The following SRGAP2C variants were observed in gnomAD, a reference collection of about 807,000 sequenced individuals.
SRGAP2C encodes SLIT-ROBO Rho GTPase activating protein 2C.
Under a neutral mutation model 25.1 loss-of-function variants are expected in SRGAP2C, and 15 were observed. The ratio of observed to expected loss-of-function variants is 0.60; its 90% CI spans 0.40 to 0.92. The LOEUF (loss-of-function observed/expected upper bound fraction) is 0.92. SRGAP2C is among the 40% of genes least tolerant of loss of function. The pLI is 0.00. For missense variants in SRGAP2C, 144 were observed against 264.4 expected, an observed-to-expected ratio of 0.54 and a Z score of 3.16; for synonymous variants, 44 against 96.6, an observed-to-expected ratio of 0.46 and a Z score of 3.19.
At chr1:121,234,967 CT>C (rs1655911287) in intron 2 of SRGAP2C, among the ~76,000 whole-genome samples, 1 of 151,566 alleles carries the variant, frequency 6.6e-6, no homozygotes, top group African/African-American at 2.4e-5. Flanking sequence ...TTCTTCTTTT[CT>C]TTCCTCCCTC....
intron 2 of SRGAP2C, among the ~76,000 whole-genome samples, chr1:121,275,113 A>G (rs1657072790): frequency 7.3e-6 from 1 of 137,038 alleles, no homozygotes; most frequent in African/African-American, 2.8e-5. Context: ...GTAGTCTGGG[A>G]CCATTATTTT....
chr1:121,239,210 ATATATATATATATATATAC>A (rs1656045842), intron 2 of SRGAP2C, among the ~76,000 whole-genome samples: 2 of 3,354 alleles, frequency 6.0e-4, no homozygotes, highest in Non-Finnish European at 8.7e-4. Context: ...ATATATATAT[ATATATATATATATATATAC>A]TATATATATA....
intron 3 of SRGAP2C, among the ~76,000 whole-genome samples, chr1:121,289,294 G>A (rs1191707053): frequency 2.1e-5 from 3 of 143,814 alleles, no homozygotes; most frequent in Non-Finnish European, 3.1e-5. Context: ...GCACAGCGCC[G>A]ATGGTCCGGC....
chr1:121,267,303 C>T (rs1553334488), intron 2 of SRGAP2C, among the ~76,000 whole-genome samples: 1 of 150,504 alleles, frequency 6.6e-6, no homozygotes. Flanking sequence ...AAGCGGTTCT[C>T]ATGGCTTGGC....
intron 2 of SRGAP2C, among the ~76,000 whole-genome samples, chr1:121,206,903 T>C (rs1456690044): frequency 2.0e-5 from 3 of 148,230 alleles, no homozygotes; most frequent in Non-Finnish European, 4.5e-5. Context: ...ATGCCTGAGG[T>C]TTTTAGTTTG....
At chr1:121,372,235 TG>T (rs1205685854) in intron 5 of SRGAP2C, among the ~76,000 whole-genome samples, 2 of 152,204 alleles carry the variant, frequency 1.3e-5, no homozygotes, top group African/African-American at 2.4e-5. Flanking sequence ...TGCCTCTAGC[TG>T]ATCGTAGGGC....
chr1:121,335,194 G>A (rs1232656482), intron 4 of SRGAP2C, among the ~76,000 whole-genome samples: 19 of 151,218 alleles, frequency 1.3e-4, no homozygotes, highest in African/African-American at 3.2e-4. Context: ...TCAGGAGGCC[G>A]AGGCAGGAGA....
intron 7 of SRGAP2C, among the ~76,000 whole-genome samples, chr1:121,378,316 A>G (rs587699425): frequency 2.3e-5 from 2 of 86,918 alleles, no homozygotes; most frequent in South Asian, 2.9e-4. Flanking sequence ...ATGTCAAGAT[A>G]TAGAAAAAAT....
chr1:121,320,777 G>A (rs1416997832), intron 3 of SRGAP2C, among the ~76,000 whole-genome samples: 1 of 152,106 alleles, frequency 6.6e-6, no homozygotes, highest in African/African-American at 2.4e-5. Context: ...TCATCACCTA[G>A]CAGCTATTCC....
At chr1:121,260,349 T>A (rs1231292467) in intron 2 of SRGAP2C, among the ~76,000 whole-genome samples, 1 of 151,766 alleles carries the variant, frequency 6.6e-6, no homozygotes, top group East Asian at 1.9e-4. Flanking sequence ...AAGGCTCAAG[T>A]GTGCTTGGTG....
intron 2 of SRGAP2C, among the ~76,000 whole-genome samples, chr1:121,208,481 G>A (rs1468045558): frequency 1.3e-5 from 2 of 152,208 alleles, no homozygotes; most frequent in Admixed American, 6.5e-5. Context: ...TTTGGCCTAA[G>A]CATGAGTGCG....
intron 4 of SRGAP2C, among the ~76,000 whole-genome samples, chr1:121,346,687 T>C (rs1446290228): frequency 5.3e-5 from 8 of 152,260 alleles, no homozygotes; most frequent in Non-Finnish European, 1.2e-4. Flanking sequence ...TCTTACTGGG[T>C]TTCTGAAAAT....
rs1303778117 is a variant in SRGAP2C, at chr1:121,306,940, C to G, written c.261-17538C>G. Among the ~76,000 whole-genome samples the G allele has an allele frequency of 5.5e-4, 83 of 151,912 alleles. 1 individual carries two copies. In the South Asian group the frequency reaches 0.016, roughly 29 times the overall value. On this transcript the variant is annotated intron_variant, in intron 3 of 9. Coordinates refer to ENST00000367123, the MANE Select transcript of SRGAP2C (RefSeq NM_001329984.2). ...ACTTATCTTTGCTTTGTGTGATGTA[C>G]TCTGAGATTTTCTACTTTGTTCTGT... is the stretch of plus-strand genomic sequence containing the variant.
chr1:121,210,112 C>G (rs1655211407), intron 2 of SRGAP2C, among the ~76,000 whole-genome samples: 1 of 151,322 alleles, frequency 6.6e-6, no homozygotes, highest in South Asian at 2.1e-4. Context: ...TTCACAGCAA[C>G]CTGTGTCTTG....
At position 121,327,858 on chromosome 1, in the gene SRGAP2C, C is replaced by G. The variant is rs1658348293; in HGVS notation, c.423+3218C>G. 2.6e-5 allele frequency among the ~76,000 whole-genome samples: 4 copies of G among 152,224 alleles called. No individual in the cohort carries two copies. In the South Asian group the frequency reaches 8.3e-4, roughly 32 times the overall value. Reference sequence around the variant, plus strand: ...CCTTTCTCTTGGGCCTAGTTCTGCTCTTAACTCTGAGACCTTGGACAATGA... The same window carrying G: ...CCTTTCTCTTGGGCCTAGTTCTGCTGTTAACTCTGAGACCTTGGACAATGA... On this transcript the variant is annotated intron_variant, in intron 4 of 9. Transcript: ENST00000367123.
chr1:121,378,501 C>T (rs1484118941), intron 7 of SRGAP2C, among the ~76,000 whole-genome samples: 1 of 150,564 alleles, frequency 6.6e-6, no homozygotes, highest in African/African-American at 2.5e-5. Context: ...CATCTTTTGC[C>T]AACATGATGT....
intron 2 of SRGAP2C, among the ~76,000 whole-genome samples, chr1:121,248,607 G>C (rs1221123605): frequency 6.7e-6 from 1 of 149,812 alleles, no homozygotes; most frequent in Non-Finnish European, 1.5e-5. Context: ...CCACCACGCC[G>C]GGCTAATTTT....
chr1:121,211,230 A>G (rs1299213684), intron 2 of SRGAP2C, among the ~76,000 whole-genome samples: 30 of 151,006 alleles, frequency 2.0e-4, no homozygotes, highest in African/African-American at 6.6e-4. Flanking sequence ...CAGGATTTCT[A>G]TAGCTTCTTT....
At chr1:121,216,361 G>A (rs113723379) in intron 2 of SRGAP2C, among the ~76,000 whole-genome samples, 7,391 of 152,156 alleles carry the variant, frequency 0.049, 545 homozygotes, top group African/African-American at 0.17. Context: ...GGTTTTATTC[G>A]TTTTTGTGCC....
Sources: gnomAD v4.1 joint callset for allele counts (sites outside exome capture counted in the v4.1 genomes callset) on GRCh38, gnomAD v4.1.1 for gene constraint, MANE v1.5 for transcripts, NCBI Gene and HGNC (gene_info 2026-07-23, HGNC 2026-07-21) for gene names.